The following MCM7 variants were observed in gnomAD, a reference collection of about 807,000 sequenced individuals.
The protein encoded by MCM7 is DNA replication licensing factor MCM7.
A neutral mutation model predicts 83.5 loss-of-function variants in MCM7; 95 were observed. That is an observed-to-expected ratio of 1.14 (90% CI 0.96 to 1.35). The LOEUF (loss-of-function observed/expected upper bound fraction) is 1.35. Ranked by LOEUF, MCM7 falls within the 40% of genes most tolerant of loss-of-function variation. MCM7 has a pLI of 0.00. For missense variants in MCM7, 1,087 were observed against 957.4 expected (o/e 1.14, Z -1.79); for synonymous variants, 461 against 352.7 (o/e 1.31, Z -3.44).
At position 100,100,120 on chromosome 7, in the gene MCM7, GAC is replaced by G. The variant is rs1562900159; in HGVS notation, c.32-29_32-28del. 4 of 1,611,952 alleles carry G rather than the reference GAC, an allele frequency of 2.5e-6. No homozygotes were observed. In the Admixed American group the frequency reaches 5.0e-5, roughly 20 times the overall value. The stretch of plus-strand genomic sequence containing the variant: ...TGTAACATGAAATGTAAAACCGTAA[GAC>G]ACAAACTTTAAGACAAATCTTAGAT... On this transcript the variant is annotated intron_variant, in intron 1 of 14. Transcript: ENST00000303887.
In MCM7 at chr7:100,095,375, C is replaced by A; in HGVS notation, c.1679+12G>T. 6.2e-7 allele frequency: 1 copy of A among 1,610,336 alleles called. No homozygotes were observed. The highest frequency in any genetic ancestry group is 1.1e-5 in the South Asian group (1 of 90,152). ...ACGCCAACGTTTGCCCACCCGCACC[C>A]AGCTCTCCTACCTCATGAGCTTCAT... On this transcript the variant is annotated intron_variant, in intron 12 of 14. Transcript: ENST00000303887.
At position 100,098,141 on chromosome 7, in the gene MCM7, C is replaced by G; in HGVS notation, c.870G>C (p.Gln290His). ...ILRTGFRQVVQGLLSETYLEA... is the reference protein window; with the variant it reads ...ILRTGFRQVVHGLLSETYLEA... ...TTCCTCATGTCAAACTCTTCCTTAC[C>G]TGTACCACCTGTCGGAACCCAGTGC... The change falls in exon 7 of 15, where the codon CAG (glutamine) becomes CAC (histidine). Residue 290 changes from glutamine to histidine, a missense_variant and splice_region_variant. Coordinates refer to ENST00000303887, the MANE Select transcript of MCM7 (RefSeq NM_005916.5). The G allele has an allele frequency of 6.2e-7, 1 of 1,613,940 alleles. No individual in the cohort carries two copies.
At chr7:100,098,780 T>G in intron 5 of MCM7, 65 bp from the exon 6 acceptor site, 1 of 1,588,580 alleles carries the variant, frequency 6.3e-7, no homozygotes. Context: ...GGGTCGGTCC[T>G]TTGAATCACA....
rs770984389 is a variant in MCM7, at chr7:100,100,064, A to G, written c.61T>C (p.Tyr21His). 19 of 1,614,160 alleles carry G rather than the reference A, an allele frequency of 1.2e-5. No homozygotes were observed. The highest frequency in any genetic ancestry group is 1.4e-5 in the Non-Finnish European group (17 of 1,179,964). Residue 21 changes from tyrosine to histidine, a missense_variant, in exon 2 of 15, where the codon TAC (tyrosine) becomes CAC (histidine). Transcript: ENST00000303887. ...TTCTTCCCGAGTTCATCATCCTGGT[A>G]GAACTCTTGTAAGAACTTCTTAACC... ...EKVKKFLQEF[Y>H]QDDELGKKQF... is the part of the protein sequence containing the mutation.
At chr7:100,099,438 A>G (rs776883182) in intron 3 of MCM7, 35 bp from the exon 4 acceptor site, 7 of 1,524,792 alleles carry the variant, frequency 4.6e-6, no homozygotes, top group South Asian at 1.2e-5. Flanking sequence ...AAAAAAAAAG[A>G]GCAACAGGAT....
At position 100,092,819 on chromosome 7, in the gene MCM7, T is replaced by C. The variant is rs1478199299; in HGVS notation, c.*113A>G. The C allele has an allele frequency of 1.8e-6, 2 of 1,094,878 alleles. No individual in the cohort carries two copies. Among genetic ancestry groups the C allele is most frequent in the Non-Finnish European group, 2.7e-6 (2 of 732,736 alleles). The allele number at this position is 1,094,878 out of a possible 1,614,324, so 67.8% of individuals were successfully genotyped here. ...CACTTTTATTAGCAAAAGGAGTAAG[T>C]GCAGCATGGGAGAAAGAGGGGCTCC... On this transcript the variant is annotated 3_prime_UTR_variant, in exon 15 of 15. Coordinates refer to ENST00000303887, the MANE Select transcript of MCM7 (RefSeq NM_005916.5).
chr7:100,093,028 G>A lies in MCM7; in HGVS notation c.2064C>T (p.Gly688=). 1 of 1,614,224 alleles carries A rather than the reference G, an allele frequency of 6.2e-7. No homozygotes were observed. Among genetic ancestry groups the A allele is most frequent in the Non-Finnish European group, 8.5e-7 (1 of 1,180,044 alleles). Residue 688 remains glycine, a synonymous_variant, in exon 15 of 15, where the codon GGC becomes GGT. Transcript: ENST00000303887. ...SEAEQRCVSR[G]FTPAQFQAAL... ...CCGCCTGGAACTGGGCGGGTGTGAA[G>A]CCACGAGATACACAGCGCTGCTCTG...
chr7:100,100,006 A>G lies in MCM7; in HGVS notation c.111+8T>C. Reference sequence around the variant, plus strand: ...CTCCCCATTCCCTTTACCCAATCTTAGACTTACCAACTGGTTCCCATACTT... The same window carrying G: ...CTCCCCATTCCCTTTACCCAATCTTGGACTTACCAACTGGTTCCCATACTT... On this transcript the variant is annotated splice_region_variant and intron_variant, in intron 2 of 14. Coordinates refer to ENST00000303887, the MANE Select transcript of MCM7 (RefSeq NM_005916.5). 1 of 1,612,764 alleles carries G rather than the reference A, an allele frequency of 6.2e-7. No individual in the cohort carries two copies. The highest frequency in any genetic ancestry group is 8.5e-7 in the Non-Finnish European group (1 of 1,178,836).
At chr7:100,101,223 C>A in intron 1 of MCM7, 41 bp downstream of exon 1, 1 of 1,611,776 alleles carries the variant, frequency 6.2e-7, no homozygotes, top group Non-Finnish European at 8.5e-7. Flanking sequence ...CCCCGGGAGG[C>A]TCCCCGCGCA....
At chr7:100,098,900 A>G (rs940427556) in intron 5 of MCM7, 123 bp downstream of exon 5, 22 of 1,413,530 alleles carry the variant, frequency 1.6e-5, no homozygotes, top group Non-Finnish European at 2.1e-5. Flanking sequence ...ATACCCAAGA[A>G]TGAAAGGCGA....
rs758105856 is a variant in MCM7, at chr7:100,098,235, C to T, written c.776G>A (p.Gly259Glu). Residue 259 changes from glycine to glutamate, a missense_variant, in exon 7 of 15, where the codon GGA becomes GAA. Gly to Glu is a moderately conservative substitution (Grantham distance 98). Transcript: ENST00000303887. ...IPRSITVLVE[G>E]ENTRIAQPGD... ...AGGCTGGGCAATCCTTGTGTTCTCTCCTTCTACCAGCACCGTGATACTACG... is the reference window on the plus strand; with the variant it reads ...AGGCTGGGCAATCCTTGTGTTCTCTTCTTCTACCAGCACCGTGATACTACG... 1.2e-6 allele frequency: 2 copies of T among 1,614,128 alleles called. No individual in the cohort carries two copies. Among genetic ancestry groups the T allele is most frequent in the South Asian group, 1.1e-5 (1 of 91,068 alleles).
Position 100,101,217 on chromosome 7 carries a change from G to A in MCM7, c.31+47C>T, listed in dbSNP as rs763188631. On this transcript the variant is annotated intron_variant, in intron 1 of 14. Transcript: ENST00000303887. ...CAGCTCACACCAACAGGTGTTCCCC[G>A]GGAGGCTCCCCGCGCAGGACGCCCT... 43 of 1,610,702 alleles carry A rather than the reference G, an allele frequency of 2.7e-5. No homozygotes were observed. The South Asian group carries it at 4.3e-4, about 16-fold the overall frequency.
intron 10 of MCM7, among the ~76,000 whole-genome samples, chr7:100,097,047 A>G (rs539835455): frequency 5.3e-5 from 8 of 152,254 alleles, no homozygotes; most frequent in East Asian, 3.9e-4. Context: ...CTTGCAGTGA[A>G]CCGAGATAGC....
At chr7:100,098,956 G>A (rs1373510767) in intron 5 of MCM7, 67 bp downstream of exon 5, 4 of 1,591,786 alleles carry the variant, frequency 2.5e-6, no homozygotes, top group African/African-American at 1.3e-5. Context: ...AGGCATCACA[G>A]GATCAAATTA....
intron 12 of MCM7, 46 bp downstream of exon 12, chr7:100,095,341 G>C (rs752985914): frequency 1.3e-6 from 2 of 1,548,510 alleles, no homozygotes; most frequent in East Asian, 2.3e-5. Flanking sequence ...CAGGAGGCTC[G>C]CACGGCCCAC....
At chr7:100,095,547 G>C in intron 11 of MCM7, 77 bp from the exon 12 acceptor site, 1 of 1,435,798 alleles carries the variant, frequency 7.0e-7, no homozygotes, top group Non-Finnish European at 9.6e-7. Flanking sequence ...CCCTCCTTTG[G>C]CTCTGCCACT....
chr7:100,098,865 A>T, intron 5 of MCM7, 150 bp from the exon 6 acceptor site: 1 of 1,369,834 alleles, frequency 7.3e-7, no homozygotes, highest in Non-Finnish European at 9.9e-7. Flanking sequence ...ACAAACACCC[A>T]GAAAATAGGT....
chr7:100,093,124 T>C lies in MCM7; in HGVS notation c.1968A>G (p.Arg656=), dbSNP rs1130958. Residue 656 remains arginine (R), a synonymous_variant, in exon 15 of 15, where the codon AGA becomes AGG. Transcript: ENST00000303887. ...GDKGQTARTQ[R]PADVIFATVR... The stretch of plus-strand genomic sequence containing the variant: ...CGGTGGCAAATATCACATCTGCTGG[T>C]CTCTGAGTCCTGAAGGAAATGAGTG... 0.043 allele frequency: 70,009 copies of C among 1,613,598 alleles called. 1,602 individuals are homozygous for C. The highest frequency in any genetic ancestry group is 0.055 in the Middle Eastern group (334 of 6,062).
Position 100,095,809 on chromosome 7 carries a change from C to A in MCM7, c.1560G>T (p.Leu520=), listed in dbSNP as rs1358319216. 2 of 1,600,448 alleles carry A rather than the reference C, an allele frequency of 1.2e-6. No individual in the cohort carries two copies. The highest frequency in any genetic ancestry group is 1.3e-5 in the African/African-American group (1 of 74,792). ...TGTCTCGGTCGGGCCGGTCCTGAATCAGCCAGAGGAGGTCAAACCGGGAGA... is the reference window on the plus strand; with the variant it reads ...TGTCTCGGTCGGGCCGGTCCTGAATAAGCCAGAGGAGGTCAAACCGGGAGA... The part of the protein sequence containing the change: ...ALLSRFDLLW[L]IQDRPDRDND... The change falls in exon 11 of 15, where the codon CTG becomes CTT. Residue 520 remains leucine (L), a synonymous_variant. Transcript: ENST00000303887.
Sources: gnomAD v4.1 joint callset for allele counts (sites outside exome capture counted in the v4.1 genomes callset) on GRCh38, gnomAD v4.1.1 for gene constraint, MANE v1.5 for transcripts, NCBI Gene and HGNC (gene_info 2026-07-23, HGNC 2026-07-21) for gene names.